The following CACNG2 variants were observed in gnomAD, a reference collection of about 807,000 sequenced individuals.
The protein encoded by CACNG2 is voltage-dependent calcium channel gamma-2 subunit.
A neutral mutation model predicts 25.9 loss-of-function variants in CACNG2; 3 were observed. The observed-to-expected ratio is 0.12, with a 90% CI of 0.05 to 0.30. The LOEUF (loss-of-function observed/expected upper bound fraction) is 0.30, where lower values mean the gene tolerates loss of function less well. CACNG2 is among the 10% of genes least tolerant of loss of function. CACNG2 has a pLI of 1.00. For synonymous variants in CACNG2, 167 were observed against 173.3 expected, an observed-to-expected ratio of 0.96 and a Z score of 0.29; for missense variants, 341 against 432.5, an observed-to-expected ratio of 0.79 and a Z score of 1.88.
chr22:36,677,676 C>T (rs1342803618), intron 1 of CACNG2, among the ~76,000 whole-genome samples: 2 of 152,194 alleles, frequency 1.3e-5, no homozygotes, highest in Non-Finnish European at 2.9e-5. Flanking sequence ...CCCTCCTTAA[C>T]CCACGTGGGC....
chr22:36,632,313 G>A (rs564738075), intron 1 of CACNG2, among the ~76,000 whole-genome samples: 24 of 152,202 alleles, frequency 1.6e-4, no homozygotes, highest in South Asian at 2.1e-4. Flanking sequence ...GCTTTCACAC[G>A]TAGGAGCTGC....
Position 36,564,410 on chromosome 22 carries a change from T to C in CACNG2, c.913A>G (p.Lys305Glu). 1.9e-6 allele frequency: 3 copies of C among 1,614,082 alleles called. No homozygotes were observed. The highest frequency in any genetic ancestry group is 2.5e-6 in the Non-Finnish European group (3 of 1,179,972). Residue 305 changes from lysine (K) to glutamate (E), a missense_variant, in exon 4 of 4, where the codon AAG (lysine) becomes GAG (glutamate). This residue lies in a region of CACNG2 where 172 missense variants were observed against 178.1 expected (regional missense o/e 0.97). Coordinates refer to ENST00000300105, the MANE Select transcript of CACNG2 (RefSeq NM_006078.5). The surrounding 1 kb of genome is among the most constrained non-coding windows in gnomAD (Gnocchi z 6.7). ...GAGTGGAGAGAGTCCTTGTTCTCCT[T>C]CTGGATACAGTTGTGAACCTGGAGG... ...SFLQVHNCIQ[K>E]ENKDSLHSNT...
At chr22:36,653,960 TTGTGTGTGTGTGTGTGTGTCTCTG>T (rs1936664163) in intron 1 of CACNG2, among the ~76,000 whole-genome samples, 1 of 124,142 alleles carries the variant, frequency 8.1e-6, no homozygotes, top group Non-Finnish European at 1.7e-5. Context: ...TACAGTGTGT[TTGTGTGTGTGTGTGTGTGTCTCTG>T]TGTGTGTGTG....
chr22:36,630,317 A>T (rs998157656), intron 1 of CACNG2, among the ~76,000 whole-genome samples: 2 of 152,204 alleles, frequency 1.3e-5, no homozygotes, highest in Admixed American at 6.5e-5. Flanking sequence ...GCAGTTTGGG[A>T]TCATATTCTG....
chr22:36,659,707 G>C (rs1169332070), intron 1 of CACNG2, among the ~76,000 whole-genome samples: 2 of 152,036 alleles, frequency 1.3e-5, no homozygotes, highest in Non-Finnish European at 2.9e-5. Context: ...GTGAAATGCT[G>C]ATGTACTGAG....
chr22:36,591,459 C>G (rs1352087235), intron 1 of CACNG2, among the ~76,000 whole-genome samples: 3 of 152,090 alleles, frequency 2.0e-5, no homozygotes, highest in Non-Finnish European at 4.4e-5. Flanking sequence ...CCCTTGAACC[C>G]AGCAGTTCAA....
intron 1 of CACNG2, among the ~76,000 whole-genome samples, chr22:36,605,866 C>T (rs114135634): frequency 9.3e-4 from 141 of 152,278 alleles, no homozygotes; most frequent in African/African-American, 3.2e-3. Context: ...GAACCGCATG[C>T]ACTTAGATCC....
chr22:36,606,794 ATG>A lies in CACNG2; in HGVS notation c.212-19248_212-19247del, dbSNP rs1002388581. ...TGTGTGTGTGTATGTGTTTGTATGT[ATG>A]TGTGTGTGTATGTCTGTGTGATGTG... On this transcript the variant is annotated intron_variant, in intron 1 of 3. Transcript: ENST00000300105. This position sits in a 1 kb window ranked among gnomAD's most constrained non-coding sequence, Gnocchi z 5.7. Among the ~76,000 whole-genome samples the A allele has an allele frequency of 2.0e-5, 3 of 146,696 alleles. No individual in the cohort carries two copies. The highest frequency in any genetic ancestry group is 2.2e-4 in the South Asian group (1 of 4,532).
intron 1 of CACNG2, among the ~76,000 whole-genome samples, chr22:36,608,353 A>G (rs144607788): frequency 2.1e-3 from 326 of 152,246 alleles, no homozygotes; most frequent in Admixed American, 3.3e-3. Context: ...ACCCCATGAC[A>G]TCTCTTGTAT....
intron 1 of CACNG2, among the ~76,000 whole-genome samples, chr22:36,636,877 T>C (rs1936364633): frequency 6.6e-6 from 1 of 152,238 alleles, no homozygotes; most frequent in Non-Finnish European, 1.5e-5. Context: ...GCCTTGCTTG[T>C]AATGCAGAGA....
chr22:36,698,409 C>A (rs756734783), intron 1 of CACNG2, among the ~76,000 whole-genome samples: 2 of 152,190 alleles, frequency 1.3e-5, no homozygotes, highest in Admixed American at 1.3e-4. Flanking sequence ...ATTCAGCCCA[C>A]CCATGCTAGA....
chr22:36,568,602 G>A lies in CACNG2; in HGVS notation c.296-2109C>T, dbSNP rs182616772. Among the ~76,000 whole-genome samples the A allele has an allele frequency of 1.7e-3, 264 of 151,212 alleles. 2 individuals are homozygous for A. Among genetic ancestry groups the A allele is most frequent in the African/African-American group, 5.9e-3 (244 of 41,190 alleles). On this transcript the variant is annotated intron_variant, in intron 2 of 3. Transcript: ENST00000300105. Reference sequence around the variant, plus strand: ...GTATTTTTAGTAGAGACGGGGTTTCGCTATGTTGGCCAGGCTGGTCTTGAA... The same window carrying A: ...GTATTTTTAGTAGAGACGGGGTTTCACTATGTTGGCCAGGCTGGTCTTGAA...
chr22:36,700,752 T>C (rs1937401450), intron 1 of CACNG2, among the ~76,000 whole-genome samples: 1 of 152,210 alleles, frequency 6.6e-6, no homozygotes, highest in Non-Finnish European at 1.5e-5. Flanking sequence ...ATTGATTTTC[T>C]GGCTGGGGAA....
chr22:36,650,361 C>T (rs746005426), intron 1 of CACNG2, among the ~76,000 whole-genome samples: 11 of 151,980 alleles, frequency 7.2e-5, no homozygotes, highest in Non-Finnish European at 1.2e-4. Context: ...CACTGGCCTC[C>T]TTGCCATTCT....
intron 1 of CACNG2, among the ~76,000 whole-genome samples, chr22:36,660,315 C>A (rs935011372): frequency 2.6e-5 from 4 of 152,252 alleles, no homozygotes; most frequent in African/African-American, 7.2e-5. Flanking sequence ...GGGGCAGTTG[C>A]TGGTGGAGCC....
intron 1 of CACNG2, among the ~76,000 whole-genome samples, chr22:36,650,814 C>T (rs1936600336): frequency 6.6e-6 from 1 of 152,248 alleles, no homozygotes; most frequent in Admixed American, 6.5e-5. Context: ...GCCACCGCGC[C>T]TGGCCCTCTT....
chr22:36,602,444 G>C (rs1255570439), intron 1 of CACNG2, among the ~76,000 whole-genome samples: 2 of 152,108 alleles, frequency 1.3e-5, no homozygotes, highest in Non-Finnish European at 2.9e-5. Flanking sequence ...GGAGTGCAGT[G>C]GTGCGATCTC....
chr22:36,686,852 C>A (rs904128574), intron 1 of CACNG2, among the ~76,000 whole-genome samples: 3 of 152,198 alleles, frequency 2.0e-5, no homozygotes, highest in African/African-American at 7.2e-5. Flanking sequence ...CGCCGCTAGT[C>A]AACTTCCCTC....
chr22:36,679,183 TTC>T (rs1569049796), intron 1 of CACNG2, among the ~76,000 whole-genome samples: 1 of 114,058 alleles, frequency 8.8e-6, no homozygotes, highest in African/African-American at 3.1e-5. Context: ...CCTTCCTTCC[TTC>T]CTTCCTTCCT....
Sources: allele counts gnomAD v4.1 joint callset (sites outside exome capture counted in the v4.1 genomes callset), GRCh38; gene constraint gnomAD v4.1.1; regional missense constraint gnomAD v4.1.1; non-coding constraint Gnocchi (gnomAD v3.1); transcripts MANE v1.5; gene names NCBI Gene and HGNC (gene_info 2026-07-23, HGNC 2026-07-21).